The following ESR1 variants were observed in gnomAD, a reference collection of about 807,000 sequenced individuals.
ESR1 encodes the protein estrogen receptor.
ESR1 carries 12 observed loss-of-function variants against 52.7 expected under a neutral mutation model. The ratio of observed to expected loss-of-function variants is 0.23; its 90% CI spans 0.15 to 0.37. ESR1 has a LOEUF of 0.37. Ranked by LOEUF, ESR1 falls within the 10% of genes least tolerant of loss-of-function variation. The pLI, the probability that ESR1 is intolerant of heterozygous loss-of-function variation, is 1.00. For synonymous variants in ESR1, 305 were observed against 316.8 expected, an observed-to-expected ratio of 0.96 and a Z score of 0.39; for missense variants, 584 against 779.7, an observed-to-expected ratio of 0.75 and a Z score of 2.99.
chr6:151,745,517 CAT>C (rs1270040076), intron 2 of ESR1, among the ~76,000 whole-genome samples: 1 of 152,100 alleles, frequency 6.6e-6, no homozygotes, highest in Non-Finnish European at 1.5e-5. Context: ...GGTAGACTAA[CAT>C]TCACAAATTA....
At chr6:151,910,402 A>G (rs1445556652) in intron 3 of ESR1, among the ~76,000 whole-genome samples, 1 of 152,180 alleles carries the variant, frequency 6.6e-6, no homozygotes, top group Non-Finnish European at 1.5e-5. Flanking sequence ...CAAAGCCCAA[A>G]TGGGCCTGTA....
At chr6:151,830,588 C>T (rs1782243539) in intron 1 of ESR1, among the ~76,000 whole-genome samples, 1 of 152,246 alleles carries the variant, frequency 6.6e-6, no homozygotes, top group Admixed American at 6.5e-5. Context: ...CCTCACCATT[C>T]ATTAGCACTT....
chr6:151,912,857 G>C (rs192110722), intron 3 of ESR1, among the ~76,000 whole-genome samples: 1 of 152,188 alleles, frequency 6.6e-6, no homozygotes, highest in East Asian at 1.9e-4. Context: ...CTCATAAGTG[G>C]GAGTTGAACA....
downstream of ESR1, among the ~76,000 whole-genome samples, chr6:152,106,326 A>G (rs1245383279): frequency 2.0e-5 from 3 of 152,222 alleles, no homozygotes; most frequent in African/African-American, 7.2e-5. Flanking sequence ...TAGAAATACT[A>G]ATCTGCGTAT....
chr6:151,682,054 G>A (rs1284057445), intron 1 of ESR1, among the ~76,000 whole-genome samples: 1 of 152,186 alleles, frequency 6.6e-6, no homozygotes, highest in Non-Finnish European at 1.5e-5. Context: ...AGCTGTCTGA[G>A]TCCCCGTAGG....
At chr6:151,849,978 TTATATATATATATATA>T (rs66502837) in intron 2 of ESR1, among the ~76,000 whole-genome samples, 6 of 84,126 alleles carry the variant, frequency 7.1e-5, no homozygotes, top group Non-Finnish European at 1.1e-4. Context: ...TCCTAGGGAA[TTATATATATATATATA>T]TATATATATA....
rs560964176 is a variant in ESR1 at position 151,783,412 on chromosome 6, G to C, written c.-70-24431G>C. The stretch of plus-strand genomic sequence containing the variant: ...AGGGCAAGACAGGCAGAGGGAATCT[G>C]TCACTGCTACAGGCACTTCATAAGC... On this transcript the variant is annotated intron_variant, in intron 2 of 2. Transcript: ENST00000404742. 3.5e-4 allele frequency among the ~76,000 whole-genome samples: 53 copies of C among 152,356 alleles called. No homozygotes were observed. The Middle Eastern group carries it at 0.017, about 49-fold the overall frequency.
intron 3 of ESR1, among the ~76,000 whole-genome samples, chr6:151,883,273 C>T (rs1323519968): frequency 7.0e-6 from 1 of 143,190 alleles, no homozygotes; most frequent in East Asian, 2.0e-4. Flanking sequence ...GTGTGTGCCA[C>T]CATACCCAGC....
At chr6:151,958,556 T>C (rs7748205) in intron 4 of ESR1, among the ~76,000 whole-genome samples, 31,024 of 152,206 alleles carry the variant, frequency 0.2, 3,987 homozygotes, top group African/African-American at 0.36. Flanking sequence ...TTGGTCATCA[T>C]GAATGTTCAT....
At chr6:152,030,815 C>T (rs1340698856) in intron 5 of ESR1, among the ~76,000 whole-genome samples, 3 of 152,184 alleles carry the variant, frequency 2.0e-5, no homozygotes, top group Non-Finnish European at 4.4e-5. Flanking sequence ...AACTCTCCAC[C>T]CCAAATCAAC....
In ESR1 at chr6:152,084,127, G is replaced by A. The variant is rs142491345; in HGVS notation, c.1370-10258G>A. On this transcript the variant is annotated intron_variant, in intron 6 of 7. Coordinates refer to ENST00000206249, the MANE Select transcript of ESR1 (RefSeq NM_000125.4). ...ATGAGTTCCTGTCCTTTGCAGGGACGTGGATGAAGCTGGAAACCATCATTC... is the reference window on the plus strand; with the variant it reads ...ATGAGTTCCTGTCCTTTGCAGGGACATGGATGAAGCTGGAAACCATCATTC... 2.8e-4 allele frequency among the ~76,000 whole-genome samples: 43 copies of A among 152,232 alleles called. No individual in the cohort carries two copies. The East Asian group carries it at 4.8e-3, about 17-fold the overall frequency.
intron 4 of ESR1, among the ~76,000 whole-genome samples, chr6:151,991,640 T>G (rs1014400815): frequency 1.3e-5 from 2 of 152,132 alleles, no homozygotes; most frequent in African/African-American, 4.8e-5. Context: ...GGGAAGATGA[T>G]TCAGACTTGT....
chr6:151,697,732 G>A (rs925882302), intron 1 of ESR1, among the ~76,000 whole-genome samples: 13 of 152,142 alleles, frequency 8.5e-5, no homozygotes, highest in Non-Finnish European at 2.9e-5. Context: ...TGGACTAGGG[G>A]AAATGTGTGG....
At chr6:151,665,395 T>C (rs1777784562) in intron 1 of ESR1, among the ~76,000 whole-genome samples, 1 of 152,184 alleles carries the variant, frequency 6.6e-6, no homozygotes, top group African/African-American at 2.4e-5. Context: ...ATCGTTAAAC[T>C]GGCCTCAGAG....
intron 2 of ESR1, among the ~76,000 whole-genome samples, chr6:151,854,558 G>A (rs1787477386): frequency 6.6e-6 from 1 of 152,076 alleles, no homozygotes; most frequent in African/African-American, 2.4e-5. Flanking sequence ...GTTTTCCTGG[G>A]GAAAGAGTAT....
upstream of ESR1, among the ~76,000 whole-genome samples, chr6:151,689,420 A>G (rs575405254): frequency 3.9e-5 from 6 of 152,354 alleles, no homozygotes; most frequent in East Asian, 1.2e-3. Context: ...GCAATTAAAT[A>G]CTTTACATAT....
At chr6:151,753,767 C>T (rs1451085163) in intron 2 of ESR1, among the ~76,000 whole-genome samples, 1 of 152,190 alleles carries the variant, frequency 6.6e-6, no homozygotes, top group Non-Finnish European at 1.5e-5. Flanking sequence ...CCTCCAGTTT[C>T]TGGTTTAACT....
intron 4 of ESR1, among the ~76,000 whole-genome samples, chr6:151,996,453 T>A (rs1043012609): frequency 2.0e-5 from 3 of 152,134 alleles, no homozygotes; most frequent in Non-Finnish European, 4.4e-5. Flanking sequence ...GCTTCATTTC[T>A]GTCTGTCTTT....
intron 4 of ESR1, among the ~76,000 whole-genome samples, chr6:151,968,735 G>A (rs993385514): frequency 1.3e-5 from 2 of 152,024 alleles, no homozygotes; most frequent in Non-Finnish European, 2.9e-5. Flanking sequence ...CCCTACACTG[G>A]GCGAGCTGAT....
Sources: allele counts gnomAD v4.1 joint callset (sites outside exome capture counted in the v4.1 genomes callset), GRCh38; gene constraint gnomAD v4.1.1; transcripts MANE v1.5; gene names NCBI Gene and HGNC (gene_info 2026-07-23, HGNC 2026-07-21).